Variants in CNTNAP4 observed in about 807,000 individuals in gnomAD.
The protein encoded by CNTNAP4 is contactin-associated protein-like 4.
A neutral mutation model predicts 148.4 loss-of-function variants in CNTNAP4; 98 were observed. The ratio of observed to expected loss-of-function variants is 0.66; its 90% CI spans 0.56 to 0.78. CNTNAP4 has a LOEUF of 0.78. Among genes scored for constraint, CNTNAP4 ranks in the 30% least tolerant of loss-of-function variants. The pLI, the probability that CNTNAP4 is intolerant of heterozygous loss-of-function variation, is 0.00. For missense variants in CNTNAP4, 1,935 were observed against 1,565.6 expected (o/e 1.24, Z -3.98); for synonymous variants, 730 against 565.1 (o/e 1.29, Z -4.14).
chr16:76,453,864 T>C (rs1202445966), intron 8 of CNTNAP4, among the ~76,000 whole-genome samples: 1 of 152,136 alleles, frequency 6.6e-6, no homozygotes, highest in Admixed American at 6.5e-5. Context: ...TTTTATTTAG[T>C]GTTCAAAATG....
intron 11 of CNTNAP4, among the ~76,000 whole-genome samples, chr16:76,477,488 C>T (rs552110664): frequency 6.6e-6 from 1 of 152,136 alleles, no homozygotes. Context: ...GTTTGGAATC[C>T]TGGGCTCCCA....
intron 21 of CNTNAP4, among the ~76,000 whole-genome samples, chr16:76,547,846 G>C (rs2084801352): frequency 6.6e-6 from 1 of 152,202 alleles, no homozygotes; most frequent in African/African-American, 2.4e-5. Context: ...GATGTCTACT[G>C]AATCTCCCCA....
rs186893439 is a variant in CNTNAP4 at position 76,560,161 on chromosome 16, A to T, written c.*1478A>T. ...ATACAATAAAGGCACTCTATTATAC[A>T]TACTCACACCTTCAAGTGCCTCCCA... On this transcript the variant is annotated 3_prime_UTR_variant, in exon 24 of 24. Transcript: ENST00000611870. Among the ~76,000 whole-genome samples the T allele has an allele frequency of 6.6e-6, 1 of 152,304 alleles. No homozygotes were observed. Among genetic ancestry groups the T allele is most frequent in the East Asian group, 1.9e-4 (1 of 5,184 alleles).
At chr16:76,546,089 G>T (rs2144343082) in intron 21 of CNTNAP4, among the ~76,000 whole-genome samples, 1 of 151,512 alleles carries the variant, frequency 6.6e-6, no homozygotes, top group East Asian at 1.9e-4. Context: ...AAAAAATAAA[G>T]CCCCGATTAG....
intron 10 of CNTNAP4, among the ~76,000 whole-genome samples, chr16:76,469,182 C>G (rs1436296224): frequency 1.3e-5 from 2 of 152,182 alleles, no homozygotes; most frequent in African/African-American, 4.8e-5. Flanking sequence ...TTCCTCCCCA[C>G]AAATACTCAT....
intron 14 of CNTNAP4, among the ~76,000 whole-genome samples, chr16:76,496,175 C>A (rs756414081): frequency 2.0e-5 from 3 of 151,386 alleles, no homozygotes; most frequent in African/African-American, 4.8e-5. Context: ...TATTGTCTCT[C>A]TTACTTAAAC....
intron 8 of CNTNAP4, among the ~76,000 whole-genome samples, chr16:76,456,000 A>G (rs1426595989): frequency 1.3e-5 from 2 of 152,118 alleles, no homozygotes; most frequent in Non-Finnish European, 1.5e-5. Flanking sequence ...GACAGAACAA[A>G]GAGAGCAACA....
At chr16:76,430,169 T>C (rs908812166) in intron 4 of CNTNAP4, among the ~76,000 whole-genome samples, 1 of 152,196 alleles carries the variant, frequency 6.6e-6, no homozygotes, top group Admixed American at 6.5e-5. Context: ...TAAAATGTGA[T>C]ATTATATAGC....
At chr16:76,476,791 C>T (rs1238062772) in intron 11 of CNTNAP4, among the ~76,000 whole-genome samples, 1 of 152,086 alleles carries the variant, frequency 6.6e-6, no homozygotes, top group Non-Finnish European at 1.5e-5. Context: ...GCCCCACCTC[C>T]CAATACCACC....
chr16:76,312,908 GTTA>G (rs1449372723), intron 1 of CNTNAP4, among the ~76,000 whole-genome samples: 2 of 152,122 alleles, frequency 1.3e-5, no homozygotes, highest in African/African-American at 4.8e-5. Context: ...ATGTGTCTTA[GTTA>G]TTATTAGTTC....
At chr16:76,451,802 T>C (rs1000691155) in intron 7 of CNTNAP4, among the ~76,000 whole-genome samples, 1 of 152,080 alleles carries the variant, frequency 6.6e-6, no homozygotes, top group Non-Finnish European at 1.5e-5. Flanking sequence ...GGGCAATAAA[T>C]TCTAGTTTTC....
At chr16:76,361,779 A>G (rs2013469434) in intron 3 of CNTNAP4, among the ~76,000 whole-genome samples, 2 of 152,092 alleles carry the variant, frequency 1.3e-5, no homozygotes, top group Non-Finnish European at 2.9e-5. Context: ...TTAAATTTCT[A>G]CCAACTATGT....
chr16:76,366,701 T>G (rs2014178609), intron 3 of CNTNAP4, among the ~76,000 whole-genome samples: 1 of 152,090 alleles, frequency 6.6e-6, no homozygotes, highest in South Asian at 2.1e-4. Context: ...GGAATTGCCA[T>G]ACTGCTTTCC....
intron 9 of CNTNAP4, among the ~76,000 whole-genome samples, chr16:76,464,211 G>A (rs1225993686): frequency 6.6e-6 from 1 of 152,110 alleles, no homozygotes; most frequent in Non-Finnish European, 1.5e-5. Flanking sequence ...TGAAAATTCT[G>A]GATCCTGGGA....
At chr16:76,393,662 G>A (rs1009434238) in intron 3 of CNTNAP4, among the ~76,000 whole-genome samples, 4 of 151,984 alleles carry the variant, frequency 2.6e-5, no homozygotes, top group African/African-American at 7.2e-5. Flanking sequence ...TGGGTGAGAG[G>A]AGGAGGATGA....
chr16:76,544,789 G>C (rs746524480), intron 21 of CNTNAP4, among the ~76,000 whole-genome samples: 1 of 152,096 alleles, frequency 6.6e-6, no homozygotes, highest in Non-Finnish European at 1.5e-5. Context: ...TATTAGATAC[G>C]GTGGTCCATA....
At chr16:76,450,131 C>G (rs905709326) in intron 7 of CNTNAP4, among the ~76,000 whole-genome samples, 4 of 151,758 alleles carry the variant, frequency 2.6e-5, no homozygotes, top group African/African-American at 9.7e-5. Flanking sequence ...TCACAGGAGC[C>G]TAATTTCTTT....
intron 18 of CNTNAP4, 102 bp downstream of exon 18, chr16:76,535,886 A>T (rs769648296): frequency 7.7e-7 from 1 of 1,306,234 alleles, no homozygotes; most frequent in Non-Finnish European, 1.0e-6. Flanking sequence ...AAAAAATTCA[A>T]TTTCTGAATT....
chr16:76,355,535 A>T, intron 3 of CNTNAP4, 24 bp downstream of exon 3: 2 of 1,553,568 alleles, frequency 1.3e-6, no homozygotes, highest in Non-Finnish European at 1.7e-6. Context: ...CAAAAGACAT[A>T]GTCTCTCGGG....
Sources: allele counts gnomAD v4.1 joint callset (sites outside exome capture counted in the v4.1 genomes callset), GRCh38; gene constraint gnomAD v4.1.1; transcripts MANE v1.5; gene names NCBI Gene and HGNC (gene_info 2026-07-23, HGNC 2026-07-21).